Variants in HDAC3 observed in about 807,000 individuals in gnomAD.
The protein encoded by HDAC3 is SMAP45.
HDAC3 carries 21 observed loss-of-function variants against 62.3 expected under a neutral mutation model. That is an observed-to-expected ratio of 0.34 (90% CI 0.24 to 0.49). The LOEUF (loss-of-function observed/expected upper bound fraction) is 0.49, where lower values mean the gene tolerates loss of function less well. Ranked by LOEUF, HDAC3 falls within the 20% of genes least tolerant of loss-of-function variation. The pLI is 0.99. For missense variants in HDAC3, 270 were observed against 556.9 expected (o/e 0.48, Z 5.19); for synonymous variants, 198 against 206.5 (o/e 0.96, Z 0.35).
At chr5:141,623,697 A>G (rs1338441624) in intron 14 of HDAC3, among the ~76,000 whole-genome samples, 1 of 152,150 alleles carries the variant, frequency 6.6e-6, no homozygotes, top group East Asian at 1.9e-4. Flanking sequence ...AGTAAAGCCC[A>G]GGTCCAGAGG....
In HDAC3 at chr5:141,627,967, G is replaced by A. The variant is rs2099904685; in HGVS notation, c.766-10C>T. ...GAGAGTCAGCTCCACACTGCAAAAA[G>A]CAAAACCCCAGGAAAGTGCAGTGAT... is the stretch of plus-strand genomic sequence containing the variant. On this transcript the variant is annotated splice_polypyrimidine_tract_variant and intron_variant, in intron 9 of 14. Coordinates refer to ENST00000305264, the MANE Select transcript of HDAC3 (RefSeq NM_003883.4). 6.2e-7 allele frequency: 1 copy of A among 1,613,974 alleles called. No homozygotes were observed.
In HDAC3 at chr5:141,628,271, C is replaced by A; in HGVS notation, c.692-84G>T. ...AAAAGGAAAAAGGGGGTTGAGCGAG[C>A]ATGTAGCCCAGGAAAGGGGCCACCC... is the stretch of plus-strand genomic sequence containing the variant. On this transcript the variant is annotated intron_variant, in intron 8 of 14. Coordinates refer to ENST00000305264, the MANE Select transcript of HDAC3 (RefSeq NM_003883.4). This position sits in a 1 kb window ranked among gnomAD's most constrained non-coding sequence, Gnocchi z 4.7. The A allele has an allele frequency of 8.3e-7, 1 of 1,203,158 alleles. No individual in the cohort carries two copies. The highest frequency in any genetic ancestry group is 1.2e-5 in the South Asian group (1 of 80,118). 74.5% of individuals were successfully genotyped at this position (1,203,158 alleles called of 1,614,324 possible). A position where few individuals can be genotyped will look rare whatever the true frequency, so the allele number is the denominator to read the frequency against.
At position 141,628,600 on chromosome 5, in the gene HDAC3, T is replaced by C. The variant is rs749295865; in HGVS notation, c.650A>G (p.Tyr217Cys). The change falls in exon 8 of 15, where the codon TAC becomes TGC. Residue 217 changes from tyrosine (Y) to cysteine (C), a missense_variant. Tyr to Cys is a radical substitution (Grantham distance 194). Coordinates refer to ENST00000305264, the MANE Select transcript of HDAC3 (RefSeq NM_003883.4). This position sits in a 1 kb window ranked among gnomAD's most constrained non-coding sequence, Gnocchi z 4.7. ...YEVGAESGRY[Y>C]CLNVPLRDGI... is the part of the protein sequence containing the mutation. ...ATCCCGCAGGGGCACGTTCAGACAG[T>C]AGTAGCGGCCACTCTCTGCCCCGAC... 5.0e-6 allele frequency: 8 copies of C among 1,613,970 alleles called. No individual in the cohort carries two copies. The highest frequency in any genetic ancestry group is 6.8e-6 in the Non-Finnish European group (8 of 1,180,022).
At chr5:141,635,107 T>A in intron 2 of HDAC3, 154 bp from the exon 3 acceptor site, 1 of 679,942 alleles carries the variant, frequency 1.5e-6, no homozygotes, top group Non-Finnish European at 2.4e-6. Context: ...AGACTCCGAT[T>A]AACCAGGTAA....
At position 141,621,668 on chromosome 5, in the gene HDAC3, A is replaced by G. The variant is rs935524410; in HGVS notation, c.1218-131T>C. 11 of 667,900 alleles carry G rather than the reference A, an allele frequency of 1.6e-5. 1 individual carries two copies. In the African/African-American group the frequency reaches 1.8e-4, roughly 11 times the overall value. The allele number at this position is 667,900 out of a possible 1,614,324, so 41.4% of individuals were successfully genotyped here. A position where few individuals can be genotyped will look rare whatever the true frequency, so the allele number is the denominator to read the frequency against. ...CTCTTGTTGGTAGAGACTGCTATTC[A>G]TTCACCCATTCACGTATCAAATAAA... On this transcript the variant is annotated intron_variant, in intron 14 of 14. Coordinates refer to ENST00000305264, the MANE Select transcript of HDAC3 (RefSeq NM_003883.4).
intron 10 of HDAC3, 143 bp downstream of exon 10, chr5:141,627,750 T>G: frequency 1.4e-6 from 1 of 736,836 alleles, no homozygotes. Context: ...CTGTTCAAGA[T>G]GACATTTCTA....
At chr5:141,635,025 A>G in intron 2 of HDAC3, 72 bp from the exon 3 acceptor site, 1 of 1,524,230 alleles carries the variant, frequency 6.6e-7, no homozygotes, top group Non-Finnish European at 9.0e-7. Flanking sequence ...ACCCATACTG[A>G]ACCCAGTCCT....
chr5:141,632,432 T>C (rs1443688186), intron 3 of HDAC3, among the ~76,000 whole-genome samples: 2 of 152,174 alleles, frequency 1.3e-5, no homozygotes, highest in Non-Finnish European at 2.9e-5. Context: ...GAAGAAAAAT[T>C]CCTGATTCTC....
intron 2 of HDAC3, 29 bp downstream of exon 2, chr5:141,636,519 C>T (rs1295624479): frequency 6.2e-7 from 1 of 1,608,988 alleles, no homozygotes; most frequent in Non-Finnish European, 8.5e-7. Flanking sequence ...CCCCACCCCC[C>T]AACCCCCGGC....
In HDAC3 at chr5:141,626,200, C is replaced by T. The variant is rs1216462383; in HGVS notation, c.914G>A (p.Arg305His). Residue 305 changes from arginine (R) to histidine (H), a missense_variant, in exon 11 of 15, where the codon CGC becomes CAC. By Grantham distance (29) the Arg-to-His change is conservative. This residue lies in a region of HDAC3 where 156 missense variants were observed against 383.9 expected (regional missense o/e 0.41). Coordinates refer to ENST00000305264, the MANE Select transcript of HDAC3 (RefSeq NM_003883.4). This position sits in a 1 kb window ranked among gnomAD's most constrained non-coding sequence, Gnocchi z 4.6. The stretch of plus-strand genomic sequence containing the variant: ...AAATCAGGAGAGTGCTCACCAGCAG[C>T]GGGCAACATTTCGGACAGTATAACC... ...GGGYTVRNVA[R>H]CWTYETSLLV... The T allele has an allele frequency of 1.9e-6, 3 of 1,613,630 alleles. No homozygotes were observed. The highest frequency in any genetic ancestry group is 2.7e-5 in the African/African-American group (2 of 75,000).
At position 141,634,904 on chromosome 5, in the gene HDAC3, G is replaced by A; in HGVS notation, c.188C>T (p.Ser63Phe). The A allele has an allele frequency of 6.2e-7, 1 of 1,614,144 alleles. No homozygotes were observed. The highest frequency in any genetic ancestry group is 8.5e-7 in the Non-Finnish European group (1 of 1,180,022). Residue 63 changes from serine (S) to phenylalanine (F), a missense_variant, in exon 3 of 15, where the codon TCC becomes TTC. This residue lies in a region of HDAC3 where 32 missense variants were observed against 37.4 expected (regional missense o/e 0.86). Transcript: ENST00000305264. ...ASQHDMCRFH[S>F]EDYIDFLQRV... ...CTGCAGGAAGTCAATGTAGTCCTCG[G>A]AGTGGAAGCGGCACATGTCATGTTG...
Position 141,628,154 on chromosome 5 carries a change from T to C in HDAC3, c.725A>G (p.Gln242Arg), listed in dbSNP as rs535188556. Residue 242 changes from glutamine (Q) to arginine (R), a missense_variant, in exon 9 of 15, where the codon CAG becomes CGG. Around this residue, in one of 5 missense-constraint regions of HDAC3, gnomAD observed 156 missense variants for 383.9 expected, o/e 0.41. Transcript: ENST00000305264. This position sits in a 1 kb window ranked among gnomAD's most constrained non-coding sequence, Gnocchi z 4.7. ...YKHLFQPVIN[Q>R]VVDFYQPTCI... Reference sequence around the variant, plus strand: ...CGTGGGTTGGTAGAAGTCCACTACCTGGTTGATAACCGGCTGGAAAAGGTG... The same window carrying C: ...CGTGGGTTGGTAGAAGTCCACTACCCGGTTGATAACCGGCTGGAAAAGGTG... The C allele has an allele frequency of 6.2e-7, 1 of 1,614,164 alleles. No homozygotes were observed. The highest frequency in any genetic ancestry group is 2.2e-5 in the East Asian group (1 of 44,880).
At chr5:141,631,532 G>A (rs1416918837) in intron 3 of HDAC3, among the ~76,000 whole-genome samples, 1 of 152,168 alleles carries the variant, frequency 6.6e-6, no homozygotes, top group Non-Finnish European at 1.5e-5. Flanking sequence ...AGCTGAAAGG[G>A]GAAAGGAAGC....
Position 141,626,302 on chromosome 5 carries a change from G to A in HDAC3, c.831-19C>T. ...GCATTCCCTGTTAAAAGGAACCAGA[G>A]GAAGATGTGGAGGAGGTTATCAAAA... On this transcript the variant is annotated intron_variant, in intron 10 of 14. Transcript: ENST00000305264. The surrounding 1 kb of genome is among the most constrained non-coding windows in gnomAD (Gnocchi z 4.6). 1 of 1,594,590 alleles carries A rather than the reference G, an allele frequency of 6.3e-7. No individual in the cohort carries two copies. Among genetic ancestry groups the A allele is most frequent in the Non-Finnish European group, 8.6e-7 (1 of 1,162,542 alleles).
At chr5:141,634,317 A>C (rs1048384072) in intron 3 of HDAC3, among the ~76,000 whole-genome samples, 1 of 152,060 alleles carries the variant, frequency 6.6e-6, no homozygotes, top group Non-Finnish European at 1.5e-5. Flanking sequence ...CATACTCTGC[A>C]CTTGGCCTTT....
chr5:141,624,276 C>CTA (rs1302694672), intron 14 of HDAC3, among the ~76,000 whole-genome samples: 1 of 141,910 alleles, frequency 7.0e-6, no homozygotes, highest in East Asian at 2.1e-4. Flanking sequence ...TGGCTCACGC[C>CTA]TATAATCCCA....
chr5:141,629,117 C>T lies in HDAC3; in HGVS notation c.610+56G>A. 11 of 1,580,062 alleles carry T rather than the reference C, an allele frequency of 7.0e-6. No individual in the cohort carries two copies. Among genetic ancestry groups the T allele is most frequent in the Non-Finnish European group, 8.7e-6 (10 of 1,154,926 alleles). ...TGAGACTAGAAGGCTGAGAAGGAGG[C>T]ACTCATAGTAAAGAGCTGAAGGGTG... On this transcript the variant is annotated intron_variant, in intron 7 of 14. Coordinates refer to ENST00000305264, the MANE Select transcript of HDAC3 (RefSeq NM_003883.4). The surrounding 1 kb of genome is among the most constrained non-coding windows in gnomAD (Gnocchi z 5.3).
Position 141,625,844 on chromosome 5 carries a change from C to T in HDAC3, c.980-80G>A, listed in dbSNP as rs752188847. On this transcript the variant is annotated intron_variant, in intron 12 of 14. Transcript: ENST00000305264. The surrounding 1 kb of genome is among the most constrained non-coding windows in gnomAD (Gnocchi z 4.0). Reference sequence around the variant, plus strand: ...CTTCCCAATCTTTTTCCTTCCCATCCAGAGCACCTACATAATAGCTGCCCA... The same window carrying T: ...CTTCCCAATCTTTTTCCTTCCCATCTAGAGCACCTACATAATAGCTGCCCA... The T allele has an allele frequency of 5.0e-5, 71 of 1,415,052 alleles. No individual in the cohort carries two copies. The highest frequency in any genetic ancestry group is 5.5e-5 in the Non-Finnish European group (55 of 999,536). The allele number at this position is 1,415,052 out of a possible 1,614,324, so 87.7% of individuals were successfully genotyped here.
intron 3 of HDAC3, among the ~76,000 whole-genome samples, chr5:141,633,461 A>G (rs1193541767): frequency 6.6e-6 from 1 of 152,186 alleles, no homozygotes; most frequent in Non-Finnish European, 1.5e-5. Context: ...ATATTTATGG[A>G]TAAAAGGATA....
Sources: gnomAD v4.1 joint callset for allele counts (sites outside exome capture counted in the v4.1 genomes callset) on GRCh38, gnomAD v4.1.1 for gene constraint, gnomAD v4.1.1 regional missense constraint, Gnocchi (gnomAD v3.1) non-coding constraint, MANE v1.5 for transcripts, NCBI Gene and HGNC (gene_info 2026-07-23, HGNC 2026-07-21) for gene names.